ISLR2: variants seen among roughly 807,000 people sequenced by gnomAD.
The protein encoded by ISLR2 is immunoglobulin superfamily containing leucine-rich repeat protein 2.
A neutral mutation model predicts 25.5 loss-of-function variants in ISLR2; 16 were observed. The observed-to-expected ratio is 0.63, with a 90% confidence interval of 0.43 to 0.95. The LOEUF is 0.95. Among genes scored for constraint, ISLR2 ranks in the 40% least tolerant of loss-of-function variants. The probability of loss-of-function intolerance (pLI) is 0.00; values close to 1 mark genes in which losing one functional copy is unlikely to be tolerated. For missense variants in ISLR2, 883 were observed against 1,030.7 expected, an observed-to-expected ratio of 0.86 and a Z score of 1.96; for synonymous variants, 508 against 486.6, an observed-to-expected ratio of 1.04 and a Z score of -0.58.
chr15:74,134,057 C>A lies in ISLR2; in HGVS notation c.1303C>A (p.Pro435Thr). The A allele has an allele frequency of 6.2e-7, 1 of 1,613,624 alleles. No homozygotes were observed. Among genetic ancestry groups the A allele is most frequent in the Non-Finnish European group, 8.5e-7 (1 of 1,179,828 alleles). The change falls in exon 3 of 3, where the codon CCG becomes ACG. Residue 435 changes from proline to threonine, a missense_variant. Pro to Thr is a conservative substitution (Grantham distance 38). This residue lies in a region of ISLR2 where 612 missense variants were observed against 642.8 expected (regional missense o/e 0.95). Transcript: ENST00000453268. ...CATTCTCGGGGAGACCGAGACGGAG[C>A]CGGAGGAGGACACAAGTGAGGGAGA... is the stretch of plus-strand genomic sequence containing the variant. ...VSILGETETE[P>T]EEDTSEGEEA...
chr15:74,126,315 T>C (rs1177509731), upstream of ISLR2: 2 of 151,972 alleles, frequency 1.3e-5, no homozygotes, highest in Non-Finnish European at 2.9e-5. Flanking sequence ...CATTGATTCA[T>C]TTAATCCTCA....
At chr15:74,108,182 G>A (rs1278644661) in intron 2 of ISLR2, among the ~76,000 whole-genome samples, 1 of 152,150 alleles carries the variant, frequency 6.6e-6, no homozygotes. Flanking sequence ...AACTGAGGCT[G>A]CATCCCTTTC....
chr15:74,120,505 G>C (rs889757250), intron 2 of ISLR2, among the ~76,000 whole-genome samples: 2 of 142,434 alleles, frequency 1.4e-5, no homozygotes, highest in Non-Finnish European at 3.0e-5. Context: ...CTGGGCAATA[G>C]AGAGAGACTC....
At chr15:74,124,780 A>C (rs1257270539), upstream of ISLR2, among the ~76,000 whole-genome samples, 1 of 152,096 alleles carries the variant, frequency 6.6e-6, no homozygotes, top group Non-Finnish European at 1.5e-5. Context: ...AAAACAAAAA[A>C]CACAATAGGT....
chr15:74,105,801 G>A (rs2072115122), intron 2 of ISLR2, among the ~76,000 whole-genome samples: 1 of 152,114 alleles, frequency 6.6e-6, no homozygotes, highest in African/African-American at 2.4e-5. Context: ...CCACTCCTCA[G>A]TTAACCCAAA....
upstream of ISLR2, chr15:74,126,940 GTGTGTGTGTGTGT>G (rs2072306157): frequency 2.8e-5 from 4 of 142,660 alleles, no homozygotes; most frequent in African/African-American, 1.1e-4. Context: ...GTGTGTGTGT[GTGTGTGTGTGTGT>G]CTGTGCGCGC....
chr15:74,122,129 C>T (rs555158554), intron 2 of ISLR2, among the ~76,000 whole-genome samples: 1 of 152,350 alleles, frequency 6.6e-6, no homozygotes, highest in South Asian at 2.1e-4. Flanking sequence ...AGGCTTGGCA[C>T]GTCCTTGACC....
chr15:74,107,576 C>T (rs563327771), intron 2 of ISLR2, among the ~76,000 whole-genome samples: 1 of 152,308 alleles, frequency 6.6e-6, no homozygotes, highest in East Asian at 1.9e-4. Context: ...GCCTGCCCTA[C>T]CCACAGCTTA....
Position 74,132,765 on chromosome 15 carries a change from T to G in ISLR2, c.11T>G (p.Leu4Arg). 6.2e-7 allele frequency: 1 copy of G among 1,609,620 alleles called. No individual in the cohort carries two copies. Among genetic ancestry groups the G allele is most frequent in the Non-Finnish European group, 8.5e-7 (1 of 1,176,250 alleles). ...TCTGCAGGAGCCGCGATGTTCCCCC[T>G]TCGGGCCCTGTGGTTGGTCTGGGCG... Reference protein sequence around the residue: MFPLRALWLVWALL... With the variant: MFPRRALWLVWALL... The change falls in exon 3 of 3, where the codon CTT becomes CGT. Residue 4 changes from leucine to arginine, a missense_variant. Physicochemically the swap from Leu to Arg is moderately radical, Grantham distance 102. Coordinates refer to ENST00000453268, the MANE Select transcript of ISLR2 (RefSeq NM_020851.3). This position sits in a 1 kb window ranked among gnomAD's most constrained non-coding sequence, Gnocchi z 4.3.
chr15:74,125,882 G>C (rs2072290754), upstream of ISLR2: 1 of 152,096 alleles, frequency 6.6e-6, no homozygotes, highest in Admixed American at 6.5e-5. Flanking sequence ...TTTTTCCCTA[G>C]AAAATAATTA....
At position 74,135,103 on chromosome 15, in the gene ISLR2, T is replaced by TC. The variant is rs2072541450; in HGVS notation, c.*116dup. 1 of 1,299,664 alleles carries TC rather than the reference T, an allele frequency of 7.7e-7. No homozygotes were observed. The highest frequency in any genetic ancestry group is 2.3e-5 in the Admixed American group (1 of 42,930). 80.5% of individuals were successfully genotyped at this position (1,299,664 alleles called of 1,614,324 possible). A position where few individuals can be genotyped will look rare whatever the true frequency, so the allele number is the denominator to read the frequency against. ...CCCGTCCCCAACCTTCACCTACTCCTCCCCCTTACTACTCCCCAACCTTGA... is the reference window on the plus strand; with the variant it reads ...CCCGTCCCCAACCTTCACCTACTCCTCCCCCCTTACTACTCCCCAACCTTGA... On this transcript the variant is annotated 3_prime_UTR_variant, in exon 3 of 3. Coordinates refer to ENST00000453268, the MANE Select transcript of ISLR2 (RefSeq NM_020851.3).
upstream of ISLR2, chr15:74,128,744 C>A (rs755835930): frequency 9.1e-6 from 4 of 441,148 alleles, no homozygotes; most frequent in South Asian, 6.4e-5. Flanking sequence ...CATGCCGGAC[C>A]GGACTCAGCT....
chr15:74,105,828 G>GA (rs2072115425), intron 2 of ISLR2, among the ~76,000 whole-genome samples: 1 of 152,046 alleles, frequency 6.6e-6, no homozygotes, highest in African/African-American at 2.4e-5. Flanking sequence ...ACCCAGCCTC[G>GA]AAAACCAGTA....
rs773065349 is a variant in ISLR2 at position 74,133,366 on chromosome 15, C to G, written c.612C>G (p.Pro204=). ...CCGCGAGCACCCGGGTGTCCTTACC[C>G]GAGCCCGACTCCATTGCTTGTGCCT... The part of the protein sequence containing the change: ...AWAASTRVSL[P]EPDSIACASP... Residue 204 remains proline, a synonymous_variant, in exon 3 of 3, where the codon CCC becomes CCG. Transcript: ENST00000453268. 3.1e-6 allele frequency: 5 copies of G among 1,608,104 alleles called. No individual in the cohort carries two copies. The highest frequency in any genetic ancestry group is 4.2e-6 in the Non-Finnish European group (5 of 1,179,832).
At chr15:74,138,045 T>C (rs954114200), downstream of ISLR2, among the ~76,000 whole-genome samples, 2 of 152,224 alleles carry the variant, frequency 1.3e-5, no homozygotes, top group African/African-American at 4.8e-5. Context: ...CTTGGTGAAT[T>C]CACATAATGC....
upstream of ISLR2, chr15:74,129,290 G>A: frequency 6.1e-6 from 2 of 326,004 alleles, no homozygotes; most frequent in South Asian, 2.4e-5. This position sits in a 1 kb window ranked among gnomAD's most constrained non-coding sequence, Gnocchi z 4.5. Context: ...TCGGAACCCC[G>A]GGCCGGGTGG....
chr15:74,102,620 G>A (rs2072088863), intron 1 of ISLR2, among the ~76,000 whole-genome samples: 1 of 151,868 alleles, frequency 6.6e-6, no homozygotes, highest in Non-Finnish European at 1.5e-5. Flanking sequence ...TGGGGCCTGA[G>A]CATTGCATGT....
At chr15:74,109,820 G>A (rs12439091) in intron 2 of ISLR2, among the ~76,000 whole-genome samples, 7,189 of 152,110 alleles carry the variant, frequency 0.047, 347 homozygotes, top group East Asian at 0.23. Context: ...ATTTAACGCA[G>A]GGTTTTGCTC....
upstream of ISLR2, chr15:74,130,103 T>G (rs996082989): frequency 2.6e-5 from 4 of 151,616 alleles, no homozygotes; most frequent in African/African-American, 7.3e-5. Context: ...GAGTTCCGGC[T>G]TAAGAGGCTG....
Sources: allele counts gnomAD v4.1 joint callset (sites outside exome capture counted in the v4.1 genomes callset), GRCh38; gene constraint gnomAD v4.1.1; regional missense constraint gnomAD v4.1.1; non-coding constraint Gnocchi (gnomAD v3.1); transcripts MANE v1.5; gene names NCBI Gene and HGNC (gene_info 2026-07-23, HGNC 2026-07-21).